SPECC1: variants seen among roughly 807,000 people sequenced by gnomAD.
The protein encoded by SPECC1 is cytospin-B.
In SPECC1, 62 loss-of-function variants were observed where a neutral mutation model predicts 104.1. The observed-to-expected ratio is 0.60, with a 90% CI of 0.49 to 0.74. SPECC1 has a LOEUF of 0.74. SPECC1 is among the 30% of genes least tolerant of loss of function. SPECC1 has a pLI of 0.00. For missense variants in SPECC1, 1,306 were observed against 1,310.5 expected, an observed-to-expected ratio of 1.00 and a Z score of 0.05; for synonymous variants, 513 against 501.6, an observed-to-expected ratio of 1.02 and a Z score of -0.30.
intron 7 of SPECC1, among the ~76,000 whole-genome samples, chr17:20,244,569 T>C (rs2151533644): frequency 6.6e-6 from 1 of 152,272 alleles, no homozygotes; most frequent in African/African-American, 2.4e-5. Context: ...AAGTTCTGTT[T>C]CTCTTAAATT....
At chr17:20,012,032 A>C (rs868286985) in intron 1 of SPECC1, among the ~76,000 whole-genome samples, 4 of 152,086 alleles carry the variant, frequency 2.6e-5, no homozygotes, top group South Asian at 2.1e-4. Context: ...TTCTCCCTGT[A>C]TTCTAGAATT....
chr17:20,232,836 G>A (rs1226552297), intron 7 of SPECC1, among the ~76,000 whole-genome samples: 4 of 152,122 alleles, frequency 2.6e-5, no homozygotes. Flanking sequence ...CATTCCTCTG[G>A]GCCCAAGGAT....
At chr17:20,169,187 G>A (rs191989525) in intron 3 of SPECC1, among the ~76,000 whole-genome samples, 2 of 152,290 alleles carry the variant, frequency 1.3e-5, no homozygotes, top group East Asian at 1.9e-4. Flanking sequence ...TTGTTAAAAG[G>A]TTTCATTCAC....
intron 3 of SPECC1, among the ~76,000 whole-genome samples, chr17:20,118,167 G>T (rs113156234): frequency 6.6e-6 from 1 of 151,752 alleles, no homozygotes; most frequent in African/African-American, 2.4e-5. Flanking sequence ...TATAATTTCC[G>T]CTAATACATT....
At chr17:20,134,948 G>A (rs189228474) in intron 3 of SPECC1, among the ~76,000 whole-genome samples, 392 of 152,318 alleles carry the variant, frequency 2.6e-3, no homozygotes, top group Middle Eastern at 0.024. Context: ...ACATTGGATG[G>A]AAGGGAAGCT....
intron 1 of SPECC1, among the ~76,000 whole-genome samples, chr17:20,061,858 C>T (rs1597633382): frequency 6.6e-6 from 1 of 152,302 alleles, no homozygotes; most frequent in East Asian, 1.9e-4. Context: ...ATATTATTTT[C>T]TCCTGTATCA....
chr17:20,275,522 C>A (rs1268926568), intron 12 of SPECC1, among the ~76,000 whole-genome samples: 1 of 152,186 alleles, frequency 6.6e-6, no homozygotes, highest in African/African-American at 2.4e-5. Context: ...TTGCAAAGTT[C>A]TGTCCAGTCT....
At chr17:20,222,345 G>GT (rs1307053872) in intron 4 of SPECC1, among the ~76,000 whole-genome samples, 1 of 152,036 alleles carries the variant, frequency 6.6e-6, no homozygotes, top group East Asian at 1.9e-4. Context: ...AAAAAAAAAA[G>GT]TTTCAGGAAT....
intron 3 of SPECC1, among the ~76,000 whole-genome samples, chr17:20,169,444 T>C (rs868416048): frequency 1.4e-4 from 21 of 152,324 alleles, no homozygotes; most frequent in African/African-American, 4.6e-4. Flanking sequence ...TATTTTTCTT[T>C]TTAGATAGAA....
intron 3 of SPECC1, among the ~76,000 whole-genome samples, chr17:20,194,146 T>G (rs1349031704): frequency 6.6e-6 from 1 of 152,228 alleles, no homozygotes; most frequent in Admixed American, 6.5e-5. Context: ...GGCTTTTTAA[T>G]TGACTTTAAT....
intron 1 of SPECC1, among the ~76,000 whole-genome samples, chr17:20,015,431 C>A (rs560091045): frequency 6.6e-6 from 1 of 151,632 alleles, no homozygotes; most frequent in Non-Finnish European, 1.5e-5. Context: ...CGGAAATGCT[C>A]TCTTTATCTT....
chr17:20,024,368 TTTCTC>T (rs930473453), intron 1 of SPECC1, among the ~76,000 whole-genome samples: 25 of 152,260 alleles, frequency 1.6e-4, no homozygotes, highest in African/African-American at 1.9e-4. Context: ...GGAATAAATT[TTTCTC>T]TTCTCTTCTA....
intron 1 of SPECC1, among the ~76,000 whole-genome samples, chr17:20,066,525 C>G (rs1368454310): frequency 1.3e-5 from 2 of 152,136 alleles, no homozygotes; most frequent in Non-Finnish European, 2.9e-5. Flanking sequence ...GGTCTCCCTG[C>G]AAATGAACAC....
chr17:20,298,982 G>GTGTGTGTGT (rs1567617382), intron 13 of SPECC1, among the ~76,000 whole-genome samples: 6 of 31,962 alleles, frequency 1.9e-4, no homozygotes, highest in African/African-American at 7.1e-4. Context: ...TATGTAGAGA[G>GTGTGTGTGT]AGAGAGAGAG....
chr17:20,042,568 C>T (rs1277076490), intron 1 of SPECC1, among the ~76,000 whole-genome samples: 1 of 152,150 alleles, frequency 6.6e-6, no homozygotes, highest in Non-Finnish European at 1.5e-5. Context: ...CCTTACTCAG[C>T]CTTGGTGGGG....
chr17:20,295,792 G>A (rs1226071552), intron 12 of SPECC1, among the ~76,000 whole-genome samples: 2 of 152,314 alleles, frequency 1.3e-5, no homozygotes, highest in South Asian at 2.1e-4. Flanking sequence ...ATTGTTTCAT[G>A]TGTCTGTTGG....
intron 3 of SPECC1, among the ~76,000 whole-genome samples, chr17:20,146,730 C>T (rs1328815590): frequency 6.6e-6 from 1 of 152,128 alleles, no homozygotes; most frequent in Non-Finnish European, 1.5e-5. Flanking sequence ...CATGGCAAAA[C>T]CCTGTCTCTA....
chr17:20,083,922 C>T (rs2047076972), intron 1 of SPECC1, among the ~76,000 whole-genome samples: 1 of 152,084 alleles, frequency 6.6e-6, no homozygotes, highest in Non-Finnish European at 1.5e-5. Flanking sequence ...AATTTTTAGC[C>T]ATTCTAGTAG....
intron 2 of SPECC1, among the ~76,000 whole-genome samples, chr17:20,097,221 C>T (rs1364700526): frequency 2.6e-5 from 4 of 152,170 alleles, no homozygotes; most frequent in African/African-American, 9.7e-5. Flanking sequence ...AGTGCGTTCT[C>T]CTCTGGTTTT....
Sources: gnomAD v4.1 joint callset for allele counts (sites outside exome capture counted in the v4.1 genomes callset) on GRCh38, gnomAD v4.1.1 for gene constraint, MANE v1.5 for transcripts, NCBI Gene and HGNC (gene_info 2026-07-23, HGNC 2026-07-21) for gene names.